GFPT2: variants seen among roughly 807,000 people sequenced by gnomAD.
The protein encoded by GFPT2 is glutamine--fructose-6-phosphate aminotransferase [isomerizing] 2.
Under a neutral mutation model 85.6 loss-of-function variants are expected in GFPT2, and 62 were observed. The ratio of observed to expected loss-of-function variants is 0.72; its 90% CI spans 0.59 to 0.90. The LOEUF (loss-of-function observed/expected upper bound fraction) is 0.90. GFPT2 is among the 40% of genes least tolerant of loss of function. GFPT2 has a pLI of 0.00. For synonymous variants in GFPT2, 368 were observed against 344.5 expected, an observed-to-expected ratio of 1.07 and a Z score of -0.75; for missense variants, 788 against 893.4, an observed-to-expected ratio of 0.88 and a Z score of 1.50.
chr5:180,302,385 C>G (rs755174512), intron 18 of GFPT2, 38 bp downstream of exon 18: 2 of 1,543,198 alleles, frequency 1.3e-6, no homozygotes, highest in Non-Finnish European at 1.8e-6. Flanking sequence ...GGGGTTATGT[C>G]TCTCCTCTCT....
chr5:180,344,332 G>A (rs879876270), intron 1 of GFPT2, among the ~76,000 whole-genome samples: 1 of 152,174 alleles, frequency 6.6e-6, no homozygotes, highest in Admixed American at 6.5e-5. Flanking sequence ...TCCACTGCAC[G>A]TGTCCTCTTT....
intron 1 of GFPT2, among the ~76,000 whole-genome samples, chr5:180,346,303 C>A (rs985584035): frequency 6.6e-6 from 1 of 152,138 alleles, no homozygotes; most frequent in African/African-American, 2.4e-5. Flanking sequence ...AGCATAGAAA[C>A]CTATCCCAAG....
At position 180,331,710 on chromosome 5, in the gene GFPT2, G is replaced by A. The variant is rs73813217; in HGVS notation, c.341-157C>T. ...TACAGTGATTAGCACAGATGTTTAC[G>A]GCAGCAACTACAGTGGAACCAGGGA... On this transcript the variant is annotated intron_variant, in intron 4 of 18. Coordinates refer to ENST00000253778, the MANE Select transcript of GFPT2 (RefSeq NM_005110.4). The A allele has an allele frequency of 3.8e-3, 2,471 of 656,496 alleles. 50 individuals are homozygous for A. The African/African-American group carries it at 0.041, about 11-fold the overall frequency. The allele number at this position is 656,496 out of a possible 1,614,324, so 40.7% of individuals were successfully genotyped here.
In GFPT2 at chr5:180,336,512, C is replaced by G. The variant is rs1764404910; in HGVS notation, c.181G>C (p.Gly61Arg). The stretch of plus-strand genomic sequence containing the variant: ...TCTTCATCGAGAGCCTTGACTTTCC[C>G]CCTTTTCTTGACCAGCTGAATGTGT... ...ERHIQLVKKRGKVKALDEELY... is the reference protein window; with the variant it reads ...ERHIQLVKKRRKVKALDEELY... The change falls in exon 3 of 19, where the codon GGG becomes CGG. Residue 61 changes from glycine to arginine, a missense_variant. Transcript: ENST00000253778. The G allele has an allele frequency of 1.2e-6, 2 of 1,610,414 alleles. No individual in the cohort carries two copies. The highest frequency in any genetic ancestry group is 1.7e-5 in the Admixed American group (1 of 60,006).
chr5:180,326,399 A>G (rs1231528836), intron 7 of GFPT2, among the ~76,000 whole-genome samples: 1 of 152,240 alleles, frequency 6.6e-6, no homozygotes, highest in African/African-American at 2.4e-5. Context: ...AACTTAGATC[A>G]ATGAACTAAT....
At chr5:180,353,076 G>T in intron 1 of GFPT2, 135 bp downstream of exon 1, 1 of 705,048 alleles carries the variant, frequency 1.4e-6, no homozygotes. Flanking sequence ...ACAGCCCCTC[G>T]GTAGGGGCCC....
intron 10 of GFPT2, among the ~76,000 whole-genome samples, chr5:180,317,744 G>A (rs1253974879): frequency 1.3e-5 from 1 of 77,116 alleles, no homozygotes; most frequent in Non-Finnish European, 2.4e-5. Context: ...GGGCGACAGA[G>A]CAAGACTCCG....
At chr5:180,317,130 G>GT in intron 10 of GFPT2, 72 bp from the exon 11 acceptor site, 1 of 972,882 alleles carries the variant, frequency 1.0e-6, no homozygotes, top group Non-Finnish European at 1.7e-6. Flanking sequence ...AGCAGCGATA[G>GT]TAACTCCTGT....
intron 14 of GFPT2, 87 bp downstream of exon 14, chr5:180,313,719 CG>C: frequency 1.7e-6 from 2 of 1,156,586 alleles, no homozygotes; most frequent in Non-Finnish European, 2.4e-6. Flanking sequence ...GGCGGTGGCG[CG>C]GGCAGAGCAG....
chr5:180,332,881 GTTTTCC>G (rs1764330621), intron 4 of GFPT2, among the ~76,000 whole-genome samples: 1 of 152,070 alleles, frequency 6.6e-6, no homozygotes, highest in South Asian at 2.1e-4. Context: ...TCCAACTCAA[GTTTTCC>G]TTCAGTTCGG....
chr5:180,341,563 T>C (rs1225495090), intron 1 of GFPT2, among the ~76,000 whole-genome samples: 1 of 152,258 alleles, frequency 6.6e-6, no homozygotes, highest in Non-Finnish European at 1.5e-5. Flanking sequence ...TGAAAGCTAC[T>C]GTACACAGGA....
Position 180,347,733 on chromosome 5 carries a change from T to C in GFPT2, c.7+5478A>G, listed in dbSNP as rs566270527. On this transcript the variant is annotated intron_variant, in intron 1 of 18. Coordinates refer to ENST00000253778, the MANE Select transcript of GFPT2 (RefSeq NM_005110.4). ...CAATGGCCAGCGCAGGGAGATGATA[T>C]TCCCTGGACACCCAGCCAGAAGGTC... Among the ~76,000 whole-genome samples the C allele has an allele frequency of 3.9e-5, 6 of 152,110 alleles. No homozygotes were observed. The East Asian group carries it at 1.2e-3, about 30-fold the overall frequency.
At chr5:180,320,511 A>G (rs6896556) in intron 9 of GFPT2, among the ~76,000 whole-genome samples, 115,718 of 152,042 alleles carry the variant, frequency 0.76, 44,596 homozygotes, top group East Asian at 0.91. Flanking sequence ...CCTGGCTCAC[A>G]CCTGTAATCC....
chr5:180,318,095 G>C lies in GFPT2; in HGVS notation c.958+698C>G, dbSNP rs1027714779. Among the ~76,000 whole-genome samples the C allele has an allele frequency of 6.6e-6, 1 of 152,124 alleles. No individual in the cohort carries two copies. The highest frequency in any genetic ancestry group is 1.5e-5 in the Non-Finnish European group (1 of 68,018). On this transcript the variant is annotated intron_variant, in intron 10 of 18. Transcript: ENST00000253778. This position sits in a 1 kb window ranked among gnomAD's most constrained non-coding sequence, Gnocchi z 4.2. ...CAGGAGCAGAGAAGGAGTCTCTGAG[G>C]GGGTGACATTTCAAGGGAGCTGGAG...
chr5:180,303,216 C>A (rs1763714418), intron 17 of GFPT2, among the ~76,000 whole-genome samples: 1 of 140,990 alleles, frequency 7.1e-6, no homozygotes, highest in Non-Finnish European at 1.5e-5. Context: ...GGCGACAGAG[C>A]CAGACTCCGT....
intron 9 of GFPT2, 122 bp from the exon 10 acceptor site, chr5:180,319,078 C>G (rs1764070130): frequency 1.3e-6 from 1 of 775,762 alleles, no homozygotes; most frequent in South Asian, 1.7e-5. Flanking sequence ...ACAGAGAGAC[C>G]ACACTAAAAA....
At chr5:180,339,970 C>T (rs540718751) in intron 1 of GFPT2, among the ~76,000 whole-genome samples, 11 of 152,184 alleles carry the variant, frequency 7.2e-5, no homozygotes, top group Admixed American at 5.9e-4. Flanking sequence ...GGCATATTCA[C>T]GGTAACTGTC....
chr5:180,343,037 T>TA (rs778945614), intron 1 of GFPT2, among the ~76,000 whole-genome samples: 2 of 152,158 alleles, frequency 1.3e-5, no homozygotes, highest in Admixed American at 1.3e-4. Flanking sequence ...TAAAATCTGT[T>TA]AGAGTCTTTT....
chr5:180,315,241 G>C (rs960204642), intron 13 of GFPT2, among the ~76,000 whole-genome samples: 2 of 151,210 alleles, frequency 1.3e-5, no homozygotes, highest in Non-Finnish European at 2.9e-5. Flanking sequence ...GCAGTGGCGC[G>C]ATCTCAGCTC....
Sources: gnomAD v4.1 joint callset for allele counts (sites outside exome capture counted in the v4.1 genomes callset) on GRCh38, gnomAD v4.1.1 for gene constraint, Gnocchi (gnomAD v3.1) non-coding constraint, MANE v1.5 for transcripts, NCBI Gene and HGNC (gene_info 2026-07-23, HGNC 2026-07-21) for gene names.